RAD54L2: variants seen among roughly 807,000 people sequenced by gnomAD.
RAD54L2 encodes helicase ARIP4.
RAD54L2 carries 27 observed loss-of-function variants against 138.4 expected under a neutral mutation model. The ratio of observed to expected loss-of-function variants is 0.20; its 90% confidence interval spans 0.14 to 0.27. The LOEUF is 0.27. RAD54L2 is among the 10% of genes least tolerant of loss of function. The probability of loss-of-function intolerance (pLI) is 1.00; values close to 1 mark genes in which losing one functional copy is unlikely to be tolerated. For synonymous variants in RAD54L2, 644 were observed against 723.2 expected, an observed-to-expected ratio of 0.89 and a Z score of 1.76; for missense variants, 1,396 against 1,890.2, an observed-to-expected ratio of 0.74 and a Z score of 4.85.
At chr3:51,649,187 C>T (rs1701364365) in intron 19 of RAD54L2, among the ~76,000 whole-genome samples, 1 of 151,644 alleles carries the variant, frequency 6.6e-6, no homozygotes, top group Admixed American at 6.6e-5. Flanking sequence ...TTCAATCAAG[C>T]AGAAGAAAGT....
At chr3:51,555,135 G>T (rs891766719) in intron 2 of RAD54L2, among the ~76,000 whole-genome samples, 12 of 152,028 alleles carry the variant, frequency 7.9e-5, no homozygotes, top group African/African-American at 2.7e-4. Flanking sequence ...AGCCATTGTG[G>T]TGGCCCCAGA....
chr3:51,661,192 C>G (rs1701762753), intron 22 of RAD54L2, among the ~76,000 whole-genome samples: 1 of 152,000 alleles, frequency 6.6e-6, no homozygotes, highest in Admixed American at 6.6e-5. Flanking sequence ...GAACTCCTGA[C>G]CTCAAGTGAT....
At chr3:51,602,977 A>G (rs1700108149) in intron 3 of RAD54L2, among the ~76,000 whole-genome samples, 1 of 152,034 alleles carries the variant, frequency 6.6e-6, no homozygotes. Context: ...CTACAGGTGC[A>G]TACCACCACT....
chr3:51,540,723 T>G (rs187205451), intron 1 of RAD54L2, among the ~76,000 whole-genome samples: 56 of 152,362 alleles, frequency 3.7e-4, no homozygotes, highest in Non-Finnish European at 5.9e-4. Context: ...ATCTTTTTCC[T>G]TAAGCTTTAA....
At chr3:51,658,512 C>T (rs1701666689) in intron 21 of RAD54L2, among the ~76,000 whole-genome samples, 1 of 152,208 alleles carries the variant, frequency 6.6e-6, no homozygotes, top group East Asian at 1.9e-4. Context: ...CTGGGCTAAA[C>T]AGTATTGAGA....
chr3:51,619,880 T>C (rs1700529301), intron 3 of RAD54L2, among the ~76,000 whole-genome samples: 1 of 152,152 alleles, frequency 6.6e-6, no homozygotes, highest in African/African-American at 2.4e-5. Context: ...ATCTAGTGAA[T>C]TTTGATTAAA....
In RAD54L2 at chr3:51,638,523, C is replaced by T; in HGVS notation, c.1860+202C>T. 1 of 600,282 alleles carries T rather than the reference C, an allele frequency of 1.7e-6. No homozygotes were observed. Among genetic ancestry groups the T allele is most frequent in the East Asian group, 2.8e-5 (1 of 35,360 alleles). The allele number at this position is 600,282 out of a possible 1,614,324, so 37.2% of individuals were successfully genotyped here. On this transcript the variant is annotated intron_variant, in intron 12 of 22. Coordinates refer to ENST00000684192, the MANE Select transcript of RAD54L2 (RefSeq NM_015106.4). The surrounding 1 kb of genome is among the most constrained non-coding windows in gnomAD (Gnocchi z 4.3). ...ATAACTCCTGGGGGTGCCATTCACA[C>T]AGTGTAATATAACTGATGCCCCCTG...
At chr3:51,602,162 G>A (rs1700095324) in intron 3 of RAD54L2, among the ~76,000 whole-genome samples, 1 of 151,904 alleles carries the variant, frequency 6.6e-6, no homozygotes, top group Non-Finnish European at 1.5e-5. Context: ...TTGGCCCAGG[G>A]CATTGTTTTT....
At chr3:51,587,579 C>A (rs911113205) in intron 2 of RAD54L2, among the ~76,000 whole-genome samples, 2 of 152,136 alleles carry the variant, frequency 1.3e-5, no homozygotes, top group Admixed American at 1.3e-4. Context: ...ATTACTAGAT[C>A]ATTTCACAGC....
intron 19 of RAD54L2, among the ~76,000 whole-genome samples, chr3:51,648,473 T>C (rs1258526130): frequency 6.6e-6 from 1 of 152,204 alleles, no homozygotes; most frequent in Non-Finnish European, 1.5e-5. Flanking sequence ...GTTTGAGCTC[T>C]GAGAATGGAC....
chr3:51,595,936 CTTT>C (rs200140512), intron 3 of RAD54L2, among the ~76,000 whole-genome samples: 3 of 128,288 alleles, frequency 2.3e-5, no homozygotes, highest in Admixed American at 8.1e-5. Context: ...ATTCAGTCTT[CTTT>C]TTTTTTTTTT....
At position 51,662,581 on chromosome 3, in the gene RAD54L2, C is replaced by T. The variant is rs772693904; in HGVS notation, c.3565C>T (p.Arg1189Trp). The T allele has an allele frequency of 6.2e-6, 10 of 1,613,484 alleles. No homozygotes were observed. The highest frequency in any genetic ancestry group is 1.7e-5 in the Admixed American group (1 of 59,948). The change falls in exon 23 of 23, where the codon CGG becomes TGG. Residue 1189 changes from arginine to tryptophan, a missense_variant. Physicochemically the swap from Arg to Trp is moderately radical, Grantham distance 101. Coordinates refer to ENST00000684192, the MANE Select transcript of RAD54L2 (RefSeq NM_015106.4). This position sits in a 1 kb window ranked among gnomAD's most constrained non-coding sequence, Gnocchi z 4.6. ...GCAGTATGCAGATGTGGCTGCTGCC[C>T]GGGAATCCCGTCAGAGCTCCCCAAG... ...LQQYADVAAA[R>W]ESRQSSPSTN...
rs1701071511 is a variant in RAD54L2, at chr3:51,639,497, G to C, written c.1939G>C (p.Glu647Gln). The C allele has an allele frequency of 6.2e-7, 1 of 1,613,904 alleles. No homozygotes were observed. Among genetic ancestry groups the C allele is most frequent in the Non-Finnish European group, 8.5e-7 (1 of 1,179,910 alleles). Reference sequence around the variant, plus strand: ...CAATGAGCAGGACCTAGACGTGGAAGAACTTGGCTCTGCAGGGACCAGTGC... The same window carrying C: ...CAATGAGCAGGACCTAGACGTGGAACAACTTGGCTCTGCAGGGACCAGTGC... Reference protein sequence around the residue: ...LANEQDLDVEELGSAGTSARC... With the variant: ...LANEQDLDVEQLGSAGTSARC... The change falls in exon 13 of 23, where the codon GAA becomes CAA. Residue 647 changes from glutamate (E) to glutamine (Q), a missense_variant. Physicochemically the swap from Glu to Gln is conservative, Grantham distance 29. This residue lies in a region of RAD54L2 where 211 missense variants were observed against 273.8 expected (regional missense o/e 0.77). Transcript: ENST00000684192.
chr3:51,641,324 T>C (rs1376827108), intron 14 of RAD54L2, among the ~76,000 whole-genome samples: 1 of 148,252 alleles, frequency 6.7e-6, no homozygotes, highest in Non-Finnish European at 1.5e-5. Context: ...CCCCTTTTTT[T>C]TTTTTTTCTC....
intron 19 of RAD54L2, among the ~76,000 whole-genome samples, chr3:51,650,376 A>C (rs932658676): frequency 6.6e-6 from 1 of 152,198 alleles, no homozygotes; most frequent in Non-Finnish European, 1.5e-5. Context: ...AGACAGATCA[A>C]CGAGACAGAA....
Position 51,633,573 on chromosome 3 carries a change from T to C in RAD54L2, c.826-4T>C. The C allele has an allele frequency of 6.2e-7, 1 of 1,611,226 alleles. No homozygotes were observed. Among genetic ancestry groups the C allele is most frequent in the Non-Finnish European group, 8.5e-7 (1 of 1,177,622 alleles). ...CTCTGACATTTGTCTTTGTCCCTTGTCAGATTGGCGGGATCCGGTTCCTTT... is the reference window on the plus strand; with the variant it reads ...CTCTGACATTTGTCTTTGTCCCTTGCCAGATTGGCGGGATCCGGTTCCTTT... On this transcript the variant is annotated splice_polypyrimidine_tract_variant and splice_region_variant and intron_variant, in intron 7 of 22. Coordinates refer to ENST00000684192, the MANE Select transcript of RAD54L2 (RefSeq NM_015106.4).
intron 2 of RAD54L2, among the ~76,000 whole-genome samples, chr3:51,575,633 G>A (rs1699462872): frequency 6.6e-6 from 1 of 152,128 alleles, no homozygotes; most frequent in Non-Finnish European, 1.5e-5. Flanking sequence ...GTTCATTCAT[G>A]ATTTGGCTCT....
chr3:51,596,074 G>A (rs1438801457), intron 3 of RAD54L2, among the ~76,000 whole-genome samples: 1 of 7,852 alleles, frequency 1.3e-4, no homozygotes, highest in South Asian at 4.4e-3. Flanking sequence ...GACTACAGGT[G>A]TGCGTCACCA....
At chr3:51,555,836 T>G (rs1485783424) in intron 2 of RAD54L2, among the ~76,000 whole-genome samples, 1 of 152,242 alleles carries the variant, frequency 6.6e-6, no homozygotes, top group Admixed American at 6.5e-5. Context: ...ACTTTACTTA[T>G]GTCAACTTCG....
Sources: allele counts gnomAD v4.1 joint callset (sites outside exome capture counted in the v4.1 genomes callset), GRCh38; gene constraint gnomAD v4.1.1; regional missense constraint gnomAD v4.1.1; non-coding constraint Gnocchi (gnomAD v3.1); transcripts MANE v1.5; gene names NCBI Gene and HGNC (gene_info 2026-07-23, HGNC 2026-07-21).